Variants in LPAR1 observed in about 807,000 individuals in gnomAD.
LPAR1 encodes LPA receptor 1.
In LPAR1, 5 loss-of-function variants were observed where a neutral mutation model predicts 23.8. The observed-to-expected ratio is 0.21, with a 90% CI of 0.11 to 0.44. The LOEUF (loss-of-function observed/expected upper bound fraction) is 0.44. Among genes scored for constraint, LPAR1 ranks in the 20% least tolerant of loss-of-function variants. LPAR1 has a pLI of 0.99. For synonymous variants in LPAR1, 160 were observed against 164.7 expected, an observed-to-expected ratio of 0.97 and a Z score of 0.22; for missense variants, 311 against 482.8, an observed-to-expected ratio of 0.64 and a Z score of 3.33.
intron 5 of LPAR1, among the ~76,000 whole-genome samples, chr9:110,887,636 G>A (rs1210711844): frequency 1.3e-5 from 2 of 151,984 alleles, no homozygotes; most frequent in Non-Finnish European, 2.9e-5. Flanking sequence ...TTGGGAAGTG[G>A]GTGCTTCGGC....
chr9:110,952,293 C>A (rs911056147), intron 4 of LPAR1, among the ~76,000 whole-genome samples: 1 of 152,112 alleles, frequency 6.6e-6, no homozygotes, highest in Non-Finnish European at 1.5e-5. Flanking sequence ...ACAGGAGAGC[C>A]CCTCAACCCA....
At chr9:110,948,933 T>C (rs181691038) in intron 4 of LPAR1, among the ~76,000 whole-genome samples, 1 of 108,478 alleles carries the variant, frequency 9.2e-6, no homozygotes, top group Non-Finnish European at 2.1e-5. Flanking sequence ...AAAAAAGATA[T>C]CCCTACTTGC....
At chr9:110,924,699 T>C (rs1213128399) in intron 5 of LPAR1, among the ~76,000 whole-genome samples, 1 of 151,922 alleles carries the variant, frequency 6.6e-6, no homozygotes, top group Non-Finnish European at 1.5e-5. Flanking sequence ...TGTGATGTGA[T>C]TAAAATAAGA....
At chr9:110,915,079 G>A (rs1189136325) in intron 5 of LPAR1, among the ~76,000 whole-genome samples, 1 of 152,116 alleles carries the variant, frequency 6.6e-6, no homozygotes, top group Non-Finnish European at 1.5e-5. Context: ...TTGTCCTTAA[G>A]GATAATTTTG....
intron 2 of LPAR1, among the ~76,000 whole-genome samples, chr9:111,003,866 T>TA (rs2097170790): frequency 6.6e-6 from 1 of 152,086 alleles, no homozygotes; most frequent in African/African-American, 2.4e-5. Context: ...AATATAATGG[T>TA]AAAAATAATT....
chr9:111,030,909 T>G (rs2141545759), intron 2 of LPAR1, among the ~76,000 whole-genome samples: 1 of 152,266 alleles, frequency 6.6e-6, no homozygotes, highest in South Asian at 2.1e-4. Context: ...CACAGACAGA[T>G]ACACACACAA....
At chr9:110,964,795 T>C (rs1275954176) in intron 4 of LPAR1, among the ~76,000 whole-genome samples, 2 of 151,034 alleles carry the variant, frequency 1.3e-5, no homozygotes, top group Non-Finnish European at 2.9e-5. Flanking sequence ...AGAGTACCTA[T>C]TGGTAAGGAT....
intron 5 of LPAR1, among the ~76,000 whole-genome samples, chr9:110,915,254 A>G (rs1007694634): frequency 2.0e-5 from 3 of 152,236 alleles, no homozygotes; most frequent in African/African-American, 7.2e-5. Flanking sequence ...AATATACAAC[A>G]GGTCGGGCAT....
At chr9:110,929,697 AATGTGTGT>A (rs2094268492) in intron 5 of LPAR1, among the ~76,000 whole-genome samples, 1 of 121,254 alleles carries the variant, frequency 8.2e-6, no homozygotes, top group South Asian at 2.9e-4. Flanking sequence ...CCCAGCCAAT[AATGTGTGT>A]GTGTGTGTGT....
At chr9:111,018,026 CAAAA>C in intron 2 of LPAR1, among the ~76,000 whole-genome samples, 1 of 151,644 alleles carries the variant, frequency 6.6e-6, no homozygotes, top group East Asian at 1.9e-4. Context: ...TAAAAAAAAA[CAAAA>C]CAAACAAACA....
chr9:110,931,688 T>A (rs1334486275), intron 5 of LPAR1, among the ~76,000 whole-genome samples: 3 of 152,264 alleles, frequency 2.0e-5, no homozygotes, highest in African/African-American at 4.8e-5. Flanking sequence ...CATCTTGAAT[T>A]AATTTTTGTA....
At chr9:110,992,604 TGAA>T (rs2096917708) in intron 2 of LPAR1, among the ~76,000 whole-genome samples, 1 of 151,444 alleles carries the variant, frequency 6.6e-6, no homozygotes, top group Non-Finnish European at 1.5e-5. Flanking sequence ...CATTCATAAA[TGAA>T]TGGACAAATT....
At chr9:110,878,738 C>T (rs73655647) in intron 5 of LPAR1, among the ~76,000 whole-genome samples, 4 of 152,174 alleles carry the variant, frequency 2.6e-5, no homozygotes, top group Admixed American at 6.6e-5. Context: ...TACCTGACCA[C>T]CATGACTTAC....
chr9:110,913,564 AT>A (rs2134523729), intron 5 of LPAR1, among the ~76,000 whole-genome samples: 1 of 152,264 alleles, frequency 6.6e-6, no homozygotes, highest in South Asian at 2.1e-4. Context: ...GTATATATAT[AT>A]ATATCCATTT....
chr9:110,923,756 A>T (rs946286369), intron 5 of LPAR1, among the ~76,000 whole-genome samples: 1 of 152,224 alleles, frequency 6.6e-6, no homozygotes. Flanking sequence ...TACATTGCTC[A>T]AGCGGACTCT....
chr9:110,999,733 G>T (rs1291381189), intron 2 of LPAR1, among the ~76,000 whole-genome samples: 7 of 152,086 alleles, frequency 4.6e-5, no homozygotes. Flanking sequence ...AGCATGTTAG[G>T]ACAGGGTCTT....
chr9:110,885,256 TG>T (rs1036320925), intron 5 of LPAR1, among the ~76,000 whole-genome samples: 1 of 152,146 alleles, frequency 6.6e-6, no homozygotes, highest in African/African-American at 2.4e-5. Flanking sequence ...ATGCAGTGGG[TG>T]GGGGGTCATC....
chr9:110,959,340 G>C (rs1365311299), intron 4 of LPAR1, among the ~76,000 whole-genome samples: 1 of 151,934 alleles, frequency 6.6e-6, no homozygotes, highest in Non-Finnish European at 1.5e-5. Context: ...AGGAAGAAGG[G>C]AGGAAGGGAG....
chr9:111,006,443 T>G (rs1225482651), intron 2 of LPAR1, among the ~76,000 whole-genome samples: 1 of 152,222 alleles, frequency 6.6e-6, no homozygotes, highest in Non-Finnish European at 1.5e-5. Context: ...AACTTATTCC[T>G]TCTTCCTTAA....
Sources: allele counts gnomAD v4.1 joint callset (sites outside exome capture counted in the v4.1 genomes callset), GRCh38; gene constraint gnomAD v4.1.1; transcripts MANE v1.5; gene names NCBI Gene and HGNC (gene_info 2026-07-23, HGNC 2026-07-21).